Variants in AGBL4 observed in about 807,000 individuals in gnomAD.
The protein encoded by AGBL4 is cytosolic carboxypeptidase 6.
AGBL4 carries 58 observed loss-of-function variants against 66.4 expected under a neutral mutation model. The observed-to-expected ratio is 0.87, with a 90% CI of 0.71 to 1.09. The LOEUF (loss-of-function observed/expected upper bound fraction) is 1.09, where lower values mean the gene tolerates loss of function less well. Among genes scored for constraint, AGBL4 ranks in the 50% least tolerant of loss-of-function variants. The pLI is 0.00. For synonymous variants in AGBL4, 234 were observed against 222.9 expected (o/e 1.05, Z -0.44); for missense variants, 579 against 631.0 (o/e 0.92, Z 0.88).
chr1:49,624,885 A>G (rs1645435754), intron 3 of AGBL4, among the ~76,000 whole-genome samples: 2 of 152,306 alleles, frequency 1.3e-5, no homozygotes, highest in South Asian at 2.1e-4. Context: ...CATAAGCCCA[A>G]TCTTAACTAA....
intron 3 of AGBL4, among the ~76,000 whole-genome samples, chr1:49,265,836 T>G (rs1643907674): frequency 6.6e-6 from 1 of 152,120 alleles, no homozygotes; most frequent in Non-Finnish European, 1.5e-5. Context: ...TGTACGTGTG[T>G]ATAGACACAT....
At chr1:49,950,187 C>T (rs1208201672) in intron 1 of AGBL4, among the ~76,000 whole-genome samples, 1 of 144,276 alleles carries the variant, frequency 6.9e-6, no homozygotes, top group Admixed American at 7.0e-5. Context: ...TATGTATATA[C>T]ACATATGTAT....
chr1:48,564,966 C>A (rs764517991), intron 11 of AGBL4, among the ~76,000 whole-genome samples: 1 of 152,202 alleles, frequency 6.6e-6, no homozygotes, highest in Non-Finnish European at 1.5e-5. Flanking sequence ...CATCTGGCTC[C>A]CTGTTCAGGG....
At chr1:49,915,100 C>T (rs908338779) in intron 1 of AGBL4, among the ~76,000 whole-genome samples, 1 of 152,086 alleles carries the variant, frequency 6.6e-6, no homozygotes, top group African/African-American at 2.4e-5. Flanking sequence ...TAAAAATTAT[C>T]GGGCAGTTCC....
At chr1:48,553,407 G>T (rs778366672) in intron 11 of AGBL4, among the ~76,000 whole-genome samples, 27 of 152,224 alleles carry the variant, frequency 1.8e-4, no homozygotes, top group Non-Finnish European at 3.2e-4. Context: ...GGATCTTGGA[G>T]TGGCGGAGAA....
intron 3 of AGBL4, among the ~76,000 whole-genome samples, chr1:49,346,454 C>G (rs1320360439): frequency 6.6e-6 from 1 of 152,120 alleles, no homozygotes; most frequent in Non-Finnish European, 1.5e-5. Flanking sequence ...TCATGAAAAG[C>G]CTTCTTATTC....
At chr1:48,875,006 C>T (rs1212653075) in intron 5 of AGBL4, among the ~76,000 whole-genome samples, 1 of 152,164 alleles carries the variant, frequency 6.6e-6, no homozygotes, top group Non-Finnish European at 1.5e-5. Flanking sequence ...CATGACTCTC[C>T]ATTTATTTAT....
At chr1:49,998,592 C>T (rs546060968) in intron 1 of AGBL4, among the ~76,000 whole-genome samples, 3 of 152,208 alleles carry the variant, frequency 2.0e-5, no homozygotes, top group African/African-American at 7.2e-5. Context: ...TTCTATAAAG[C>T]CAGTATCACC....
chr1:49,535,029 G>C (rs1247352473), intron 3 of AGBL4, among the ~76,000 whole-genome samples: 1 of 152,120 alleles, frequency 6.6e-6, no homozygotes, highest in Admixed American at 6.6e-5. Context: ...CCTTCCCCTT[G>C]AAAAGAGGTG....
intron 3 of AGBL4, among the ~76,000 whole-genome samples, chr1:49,338,467 T>A (rs1645478837): frequency 6.6e-6 from 1 of 152,226 alleles, no homozygotes; most frequent in African/African-American, 2.4e-5. Flanking sequence ...CTTACACACC[T>A]TTCACTTACT....
chr1:50,017,418 A>C (rs1252466667), intron 1 of AGBL4: 1 of 152,156 alleles, frequency 6.6e-6, no homozygotes, highest in Non-Finnish European at 1.5e-5. Context: ...ACATCCGCCT[A>C]TCTATCACAA....
At chr1:48,664,739 G>T (rs939293872) in intron 6 of AGBL4, among the ~76,000 whole-genome samples, 3 of 152,196 alleles carry the variant, frequency 2.0e-5, no homozygotes, top group African/African-American at 7.2e-5. Context: ...GAACTATTGT[G>T]CAAAGATATC....
intron 3 of AGBL4, among the ~76,000 whole-genome samples, chr1:49,689,991 T>A (rs1357463742): frequency 6.6e-6 from 1 of 152,132 alleles, no homozygotes; most frequent in Non-Finnish European, 1.5e-5. Flanking sequence ...CTCATTGCTG[T>A]CTTATTTTAA....
intron 4 of AGBL4, among the ~76,000 whole-genome samples, chr1:49,177,473 A>G (rs1004319001): frequency 6.6e-6 from 1 of 152,166 alleles, no homozygotes; most frequent in Non-Finnish European, 1.5e-5. Context: ...CCACAAATCA[A>G]TGGGTTTGAC....
chr1:48,750,325 C>T (rs955643227), intron 6 of AGBL4, among the ~76,000 whole-genome samples: 1 of 152,164 alleles, frequency 6.6e-6, no homozygotes. Flanking sequence ...CTTCCTGCTA[C>T]CCAGCACTTC....
At chr1:49,643,282 A>G (rs1645820013) in intron 3 of AGBL4, among the ~76,000 whole-genome samples, 1 of 151,730 alleles carries the variant, frequency 6.6e-6, no homozygotes, top group Non-Finnish European at 1.5e-5. Flanking sequence ...AAAAGAAGTT[A>G]CTCAGAGTAA....
chr1:49,539,489 T>C lies in AGBL4; in HGVS notation c.282+157824A>G, dbSNP rs367709905. 4.6e-5 allele frequency among the ~76,000 whole-genome samples: 7 copies of C among 152,324 alleles called. No homozygotes were observed. In the South Asian group the frequency reaches 1.5e-3, roughly 32 times the overall value. On this transcript the variant is annotated intron_variant, in intron 3 of 13. Transcript: ENST00000371839. ...CTGGCTGTGTTTTCTATATATTTGT[T>C]AATGTCCTTCTGTTTTGGCTGTATC...
intron 1 of AGBL4, among the ~76,000 whole-genome samples, chr1:50,023,444 G>A (rs1000385427): frequency 6.6e-6 from 1 of 152,114 alleles, no homozygotes; most frequent in African/African-American, 2.4e-5. Context: ...CCTAGCCCTA[G>A]GATTAGCCTT....
intron 4 of AGBL4, among the ~76,000 whole-genome samples, chr1:49,072,344 TC>T (rs1644624016): frequency 6.6e-6 from 1 of 152,224 alleles, no homozygotes; most frequent in Non-Finnish European, 1.5e-5. Flanking sequence ...GCATCGATGG[TC>T]TTTACAATGT....
Sources: gnomAD v4.1 joint callset for allele counts (sites outside exome capture counted in the v4.1 genomes callset) on GRCh38, gnomAD v4.1.1 for gene constraint, MANE v1.5 for transcripts, NCBI Gene and HGNC (gene_info 2026-07-23, HGNC 2026-07-21) for gene names.